The following TENM3 variants were observed in gnomAD, a reference collection of about 807,000 sequenced individuals.
The protein encoded by TENM3 is teneurin transmembrane protein 3.
TENM3 carries 63 observed loss-of-function variants against 255.1 expected under a neutral mutation model. That is an observed-to-expected ratio of 0.25 (90% confidence interval 0.20 to 0.30). The LOEUF is 0.30. TENM3 is among the 10% of genes least tolerant of loss of function. The pLI is 1.00. For missense variants in TENM3, 2,929 were observed against 3,461.1 expected (o/e 0.85, Z 3.86); for synonymous variants, 1,306 against 1,322.3 (o/e 0.99, Z 0.27).
At chr4:181,495,910 A>C in the TENM3 span, among the ~76,000 whole-genome samples, 1 of 150,966 alleles carries the variant, frequency 6.6e-6, no homozygotes, top group African/African-American at 2.4e-5. Context: ...ATTAAAAAAA[A>C]AAAAAAAAAA....
the TENM3 span, among the ~76,000 whole-genome samples, chr4:181,840,632 G>A: frequency 1.3e-5 from 2 of 152,058 alleles, no homozygotes; most frequent in Non-Finnish European, 2.9e-5. Flanking sequence ...ATATGATATA[G>A]AGTATTTTTC....
intron 1 of TENM3, among the ~76,000 whole-genome samples, chr4:182,289,069 A>G (rs764548207): frequency 2.6e-5 from 4 of 152,072 alleles, no homozygotes; most frequent in South Asian, 2.1e-4. Flanking sequence ...GGCAAAAAAA[A>G]AAATTTAAAA....
At chr4:181,493,826 G>A in the TENM3 span, among the ~76,000 whole-genome samples, 61 of 152,168 alleles carry the variant, frequency 4.0e-4, no homozygotes, top group East Asian at 8.9e-3. Flanking sequence ...ATTCGCCTAC[G>A]TACCAATGAT....
At chr4:182,466,849 T>C (rs987379932) in intron 3 of TENM3, among the ~76,000 whole-genome samples, 3 of 126,540 alleles carry the variant, frequency 2.4e-5, no homozygotes, top group African/African-American at 7.6e-5. Flanking sequence ...CTTTGCTGTC[T>C]TCAGTTTTTT....
Position 182,773,532 on chromosome 4 carries a change from G to T in TENM3, c.4953G>T (p.Leu1651=), listed in dbSNP as rs1764435843. The change falls in exon 23 of 28, where the codon CTG becomes CTT. Residue 1651 remains leucine (L), a synonymous_variant. Transcript: ENST00000511685. Reference sequence around the variant, plus strand: ...TTCCAACTGGAGTGGTCACAAACCTGCATGGGGACATGGACAAGGCTATCA... The same window carrying T: ...TTCCAACTGGAGTGGTCACAAACCTTCATGGGGACATGGACAAGGCTATCA... ...VTFPTGVVTN[L]HGDMDKAITV... 6.2e-7 allele frequency: 1 copy of T among 1,613,812 alleles called. No homozygotes were observed.
chr4:182,473,679 A>T lies in TENM3; in HGVS notation c.511+126750A>T, dbSNP rs576506709. On this transcript the variant is annotated intron_variant, in intron 3 of 27. Transcript: ENST00000511685. ...CAGAGCGAGACTTCATCTAAAAAAA[A>T]ATAAAATAAAATAAAAAATTTGTGG... 2.8e-3 allele frequency among the ~76,000 whole-genome samples: 413 copies of T among 149,544 alleles called. 2 individuals carry two copies. The highest frequency in any genetic ancestry group is 9.6e-3 in the African/African-American group (387 of 40,240).
chr4:181,983,400 A>G, the TENM3 span, among the ~76,000 whole-genome samples: 2 of 152,036 alleles, frequency 1.3e-5, no homozygotes, highest in Non-Finnish European at 2.9e-5. Context: ...AGATAATGAC[A>G]CCCTTTCTCA....
the TENM3 span, among the ~76,000 whole-genome samples, chr4:181,968,992 C>CTA: frequency 0.012 from 1,377 of 116,016 alleles, 19 homozygotes; most frequent in African/African-American, 0.027. Flanking sequence ...CTCTCTCTCT[C>CTA]TATATACATA....
the TENM3 span, among the ~76,000 whole-genome samples, chr4:182,127,269 T>C: frequency 6.6e-6 from 1 of 152,350 alleles, no homozygotes; most frequent in East Asian, 1.9e-4. Context: ...CATAGCATCC[T>C]GTGTATAACT....
the TENM3 span, among the ~76,000 whole-genome samples, chr4:181,931,396 G>C: frequency 6.6e-6 from 1 of 152,114 alleles, no homozygotes; most frequent in Admixed American, 6.6e-5. Flanking sequence ...GCCAAATAGT[G>C]AGTGAACTCC....
rs181626712 is a variant in TENM3 at position 182,740,152 on chromosome 4, A to C, written c.3379+1608A>C. ...CAGAAAAACCCTTCCCTGCTTCACT[A>C]TTTTATAGCAGTATATTAAGCTCTA... On this transcript the variant is annotated intron_variant, in intron 18 of 27. Transcript: ENST00000511685. 1.3e-3 allele frequency among the ~76,000 whole-genome samples: 194 copies of C among 152,308 alleles called. 1 individual carries two copies. Among genetic ancestry groups the C allele is most frequent in the South Asian group, 2.9e-3 (14 of 4,828 alleles).
At chr4:181,757,205 A>G in the TENM3 span, among the ~76,000 whole-genome samples, 1 of 152,218 alleles carries the variant, frequency 6.6e-6, no homozygotes, top group Non-Finnish European at 1.5e-5. Context: ...AGAAGCCACA[A>G]TACACACTTT....
At chr4:182,536,641 C>G (rs1423925627) in intron 3 of TENM3, among the ~76,000 whole-genome samples, 1 of 152,186 alleles carries the variant, frequency 6.6e-6, no homozygotes, top group African/African-American at 2.4e-5. Context: ...GGCCAGCCTC[C>G]TATGTTTTCC....
chr4:182,066,727 C>A, the TENM3 span, among the ~76,000 whole-genome samples: 7 of 151,560 alleles, frequency 4.6e-5, no homozygotes, highest in African/African-American at 7.3e-5. Context: ...TGGCTAACAC[C>A]ATGAAACCCC....
chr4:182,164,140 C>T (rs368549596), intron 1 of TENM3, among the ~76,000 whole-genome samples: 45 of 152,176 alleles, frequency 3.0e-4, no homozygotes, highest in African/African-American at 1.1e-3. Context: ...CATCCAGAGC[C>T]AGCAGGCACC....
At chr4:182,279,568 G>A (rs1760236679) in intron 1 of TENM3, among the ~76,000 whole-genome samples, 1 of 152,100 alleles carries the variant, frequency 6.6e-6, no homozygotes, top group Non-Finnish European at 1.5e-5. Context: ...ATACTCGGGT[G>A]TACATAATTA....
chr4:182,453,783 A>C (rs2151336515), intron 3 of TENM3, among the ~76,000 whole-genome samples: 1 of 152,304 alleles, frequency 6.6e-6, no homozygotes, highest in Admixed American at 6.5e-5. Context: ...TCTTTTAAAT[A>C]AAACAAAATT....
chr4:181,802,619 T>G, the TENM3 span, among the ~76,000 whole-genome samples: 2 of 152,256 alleles, frequency 1.3e-5, no homozygotes, highest in Admixed American at 1.3e-4. Context: ...ACTATCTTGA[T>G]GCACTTTTCC....
chr4:181,794,690 G>GTGTGTGTGTGTGTGTGTGTGTT, the TENM3 span, among the ~76,000 whole-genome samples: 1 of 151,912 alleles, frequency 6.6e-6, no homozygotes, highest in African/African-American at 2.4e-5. Context: ...GTGTGTGTGT[G>GTGTGTGTGTGTGTGTGTGTGTT]TGTGTGTGTA....
Sources: allele counts gnomAD v4.1 joint callset (sites outside exome capture counted in the v4.1 genomes callset), GRCh38; gene constraint gnomAD v4.1.1; transcripts MANE v1.5; gene names NCBI Gene and HGNC (gene_info 2026-07-23, HGNC 2026-07-21).